BOLL: variants seen among roughly 807,000 people sequenced by gnomAD.
The protein encoded by BOLL is protein boule-like.
In BOLL, 23 loss-of-function variants were observed where a neutral mutation model predicts 44.4. That is an observed-to-expected ratio of 0.52 (90% confidence interval 0.37 to 0.73). The LOEUF is 0.73. BOLL is among the 30% of genes least tolerant of loss of function. The probability of loss-of-function intolerance (pLI) is 0.00; values close to 1 mark genes in which losing one functional copy is unlikely to be tolerated. For missense variants in BOLL, 287 were observed against 338.3 expected (o/e 0.85, Z 1.19); for synonymous variants, 97 against 110.8 (o/e 0.88, Z 0.78).
chr2:197,779,105 G>T lies in BOLL; in HGVS notation c.130-39C>A, dbSNP rs375329342. ...AAGAAAACGTTAAAAAGCATTTTTA[G>T]TTGATAAAAGATGAATAATTCTCAT... On this transcript the variant is annotated intron_variant, in intron 2 of 10. Coordinates refer to ENST00000392296, the MANE Select transcript of BOLL (RefSeq NM_033030.6). 3.2e-5 allele frequency: 45 copies of T among 1,426,562 alleles called. 1 individual carries two copies. In the African/African-American group the frequency reaches 5.1e-4, roughly 16 times the overall value. The allele number at this position is 1,426,562 out of a possible 1,614,324, so 88.4% of individuals were successfully genotyped here.
chr2:197,755,453 T>C (rs1487987941), intron 9 of BOLL, among the ~76,000 whole-genome samples: 11 of 152,236 alleles, frequency 7.2e-5, no homozygotes, highest in Admixed American at 5.9e-4. Context: ...TGTATGTTCA[T>C]TGCAGCACTA....
rs184467195 is a variant in BOLL, at chr2:197,765,765, C to T, written c.552+767G>A. ...TGAAGGTTTGTTACATAGGTAAACTCGTGTCACAGGAGGTTGTTACACAAA... is the reference window on the plus strand; with the variant it reads ...TGAAGGTTTGTTACATAGGTAAACTTGTGTCACAGGAGGTTGTTACACAAA... On this transcript the variant is annotated intron_variant, in intron 7 of 10. Coordinates refer to ENST00000392296, the MANE Select transcript of BOLL (RefSeq NM_033030.6). 5.9e-5 allele frequency among the ~76,000 whole-genome samples: 9 copies of T among 152,010 alleles called. No individual in the cohort carries two copies. The East Asian group carries it at 1.5e-3, about 26-fold the overall frequency.
intron 9 of BOLL, among the ~76,000 whole-genome samples, chr2:197,754,356 C>A (rs537550798): frequency 6.6e-6 from 1 of 152,192 alleles, no homozygotes; most frequent in South Asian, 2.1e-4. Flanking sequence ...TTCCTTACAC[C>A]TTATACAAAA....
At chr2:197,746,977 T>C (rs1171474956) in intron 9 of BOLL, among the ~76,000 whole-genome samples, 1 of 151,554 alleles carries the variant, frequency 6.6e-6, no homozygotes, top group African/African-American at 2.4e-5. Context: ...TGGGAGATGT[T>C]GGTCAAAGGT....
intron 2 of BOLL, among the ~76,000 whole-genome samples, chr2:197,779,801 C>T (rs1158492379): frequency 3.3e-5 from 5 of 151,934 alleles, no homozygotes; most frequent in Non-Finnish European, 7.4e-5. Flanking sequence ...TCTCAGAATA[C>T]TGACACTAAA....
chr2:197,784,463 G>C (rs1356787762), intron 1 of BOLL, among the ~76,000 whole-genome samples: 2 of 115,302 alleles, frequency 1.7e-5, no homozygotes, highest in Non-Finnish European at 3.5e-5. Flanking sequence ...AGACAGTCTT[G>C]CTCTGTCGCC....
At chr2:197,781,931 C>A in intron 1 of BOLL, 66 bp from the exon 2 acceptor site, 2 of 1,336,884 alleles carry the variant, frequency 1.5e-6, no homozygotes, top group South Asian at 2.2e-5. Context: ...TGATGCAGAC[C>A]AAAAACATAT....
intron 1 of BOLL, chr2:197,784,805 G>A: frequency 1.0e-6 from 1 of 987,564 alleles, no homozygotes; most frequent in Non-Finnish European, 1.2e-6. Context: ...AATTAGCGAT[G>A]CATTGAGTTA....
rs141790357 is a variant in BOLL, at chr2:197,778,934, T to C, written c.221+41A>G. 6,316 of 1,527,122 alleles carry C rather than the reference T, an allele frequency of 4.1e-3. 17 individuals carry two copies. The highest frequency in any genetic ancestry group is 4.9e-3 in the Non-Finnish European group (5,457 of 1,117,910). The allele number at this position is 1,527,122 out of a possible 1,614,324, so 94.6% of individuals were successfully genotyped here. A position where few individuals can be genotyped will look rare whatever the true frequency, so the allele number is the denominator to read the frequency against. On this transcript the variant is annotated intron_variant, in intron 3 of 10. Coordinates refer to ENST00000392296, the MANE Select transcript of BOLL (RefSeq NM_033030.6). ...ACAAAACCTAGTCATCCAATGAAAA[T>C]AGAGTTGCTAATTCCATAGACAATC...
intron 7 of BOLL, among the ~76,000 whole-genome samples, chr2:197,765,354 C>T (rs919792070): frequency 6.6e-6 from 1 of 150,840 alleles, no homozygotes; most frequent in Non-Finnish European, 1.5e-5. Context: ...AAAAAAACAA[C>T]AAAAAATCCA....
rs200225773 is a variant in BOLL, at chr2:197,743,016, A to G, written c.828+45T>C. 170 of 1,430,504 alleles carry G rather than the reference A, an allele frequency of 1.2e-4. No individual in the cohort carries two copies. The African/African-American group carries it at 2.0e-3, about 17-fold the overall frequency. The allele number at this position is 1,430,504 out of a possible 1,614,324, so 88.6% of individuals were successfully genotyped here. A position where few individuals can be genotyped will look rare whatever the true frequency, so the allele number is the denominator to read the frequency against. On this transcript the variant is annotated intron_variant, in intron 10 of 10. Transcript: ENST00000392296. ...AAGAGAAAGTTGGAAAACTTGAAAT[A>G]TGATGGAAGAAAAACAAAGTAAAAA...
At chr2:197,739,075 C>A (rs537670369) in intron 10 of BOLL, among the ~76,000 whole-genome samples, 1 of 151,886 alleles carries the variant, frequency 6.6e-6, no homozygotes, top group South Asian at 2.1e-4. Context: ...AGTGGGGTAT[C>A]GTTTTGTATT....
chr2:197,763,281 G>A (rs1168641208), intron 7 of BOLL, among the ~76,000 whole-genome samples: 1 of 152,014 alleles, frequency 6.6e-6, no homozygotes, highest in Non-Finnish European at 1.5e-5. Context: ...AGGAGATCGA[G>A]ACCATCCTGG....
At chr2:197,781,529 A>T (rs1253744052) in intron 2 of BOLL, among the ~76,000 whole-genome samples, 193 bp downstream of exon 2, 1 of 152,196 alleles carries the variant, frequency 6.6e-6, no homozygotes, top group Non-Finnish European at 1.5e-5. Flanking sequence ...ATTTCTTTAT[A>T]TCTGACATTG....
At chr2:197,728,819 G>C (rs1686972817) in intron 10 of BOLL, among the ~76,000 whole-genome samples, 2 of 152,214 alleles carry the variant, frequency 1.3e-5, no homozygotes, top group South Asian at 4.1e-4. Context: ...TAGTGTTACA[G>C]TATAAATGTT....
intron 3 of BOLL, 121 bp from the exon 4 acceptor site, chr2:197,777,234 C>A: frequency 2.1e-6 from 1 of 484,544 alleles, no homozygotes; most frequent in South Asian, 4.6e-5. Context: ...AGGCATGTTT[C>A]TATGCTGCAC....
chr2:197,744,957 A>T (rs1687922294), intron 9 of BOLL, among the ~76,000 whole-genome samples: 1 of 152,214 alleles, frequency 6.6e-6, no homozygotes, highest in East Asian at 1.9e-4. Flanking sequence ...AACTGATAGC[A>T]TCTAGATCGC....
At chr2:197,734,748 G>A (rs965300056) in intron 10 of BOLL, among the ~76,000 whole-genome samples, 10 of 152,138 alleles carry the variant, frequency 6.6e-5, no homozygotes, top group African/African-American at 2.4e-4. Flanking sequence ...TCATAGGTGG[G>A]AATTGAACAA....
At chr2:197,747,860 C>A (rs537878114) in intron 9 of BOLL, among the ~76,000 whole-genome samples, 3 of 152,144 alleles carry the variant, frequency 2.0e-5, no homozygotes, top group Non-Finnish European at 4.4e-5. Flanking sequence ...AATAAGACCA[C>A]ATATTTACAA....
Sources: allele counts gnomAD v4.1 joint callset (sites outside exome capture counted in the v4.1 genomes callset), GRCh38; gene constraint gnomAD v4.1.1; transcripts MANE v1.5; gene names NCBI Gene and HGNC (gene_info 2026-07-23, HGNC 2026-07-21).